Variants in PCDHGA5 observed in about 807,000 individuals in gnomAD.
PCDHGA5 encodes protocadherin gamma subfamily A, 5.
In PCDHGA5, 36 loss-of-function variants were observed where a neutral mutation model predicts 56.7. The observed-to-expected ratio is 0.64, with a 90% CI of 0.49 to 0.84. The LOEUF (loss-of-function observed/expected upper bound fraction) is 0.84. Among genes scored for constraint, PCDHGA5 ranks in the 40% least tolerant of loss-of-function variants. PCDHGA5 has a pLI of 0.00. For synonymous variants in PCDHGA5, 563 were observed against 520.2 expected, an observed-to-expected ratio of 1.08 and a Z score of -1.12; for missense variants, 1,305 against 1,201.5, an observed-to-expected ratio of 1.09 and a Z score of -1.27.
At chr5:141,419,385 C>T (rs753470433) in intron 1 of PCDHGA5, 6 of 1,613,686 alleles carry the variant, frequency 3.7e-6, no homozygotes, top group Admixed American at 1.7e-5. Context: ...TCCGTGAGCG[C>T]GCAGAGCGGG....
intron 1 of PCDHGA5, chr5:141,426,340 C>A: frequency 5.3e-6 from 1 of 190,288 alleles, no homozygotes; most frequent in Non-Finnish European, 1.1e-5. Flanking sequence ...AGCACTCTTC[C>A]CTTTCCTGCT....
intron 1 of PCDHGA5, chr5:141,370,225 C>G: frequency 1.7e-6 from 1 of 577,904 alleles, no homozygotes; most frequent in Admixed American, 3.6e-5. Context: ...CCGCTGCAGC[C>G]AGCTCGGAAG....
At chr5:141,428,220 C>T (rs1228544858) in intron 1 of PCDHGA5, 1 of 1,178,786 alleles carries the variant, frequency 8.5e-7, no homozygotes. Flanking sequence ...ACCTAGTCTT[C>T]GCAGACAGCC....
intron 1 of PCDHGA5, chr5:141,415,762 T>TTTTG: frequency 2.1e-6 from 3 of 1,399,986 alleles, no homozygotes; most frequent in Non-Finnish European, 2.8e-6. Flanking sequence ...TTTTTTTTTT[T>TTTTG]TTTTTTTTTT....
Position 141,485,422 on chromosome 5 carries a change from C to G in PCDHGA5, c.2422-9385C>G, listed in dbSNP as rs775279056. 6.2e-7 allele frequency: 1 copy of G among 1,614,130 alleles called. No homozygotes were observed. Among genetic ancestry groups the G allele is most frequent in the East Asian group, 2.2e-5 (1 of 44,872 alleles). ...TCCGTGTGGATTTGGACAGCGGAGC[C>G]CTGCTCATCAAGAACCCAATCGACC... On this transcript the variant is annotated intron_variant, in intron 1 of 3. Transcript: ENST00000518069. The surrounding 1 kb of genome is among the most constrained non-coding windows in gnomAD (Gnocchi z 5.7).
intron 1 of PCDHGA5, chr5:141,413,293 C>G: frequency 6.2e-7 from 1 of 1,613,946 alleles, no homozygotes; most frequent in South Asian, 1.1e-5. Context: ...CTACTCAATT[C>G]CTGAGGAATT....
chr5:141,480,336 G>A (rs755963190), intron 1 of PCDHGA5, among the ~76,000 whole-genome samples: 1 of 151,988 alleles, frequency 6.6e-6, no homozygotes, highest in Non-Finnish European at 1.5e-5. Flanking sequence ...AATTGCTTGA[G>A]CCTGGGAGGT....
intron 1 of PCDHGA5, chr5:141,405,556 C>T: frequency 1.6e-6 from 1 of 619,826 alleles, no homozygotes; most frequent in East Asian, 2.7e-5. Context: ...AGTAGAGTAG[C>T]TGGGACTAGA....
At chr5:141,453,206 T>G (rs914064627) in intron 1 of PCDHGA5, among the ~76,000 whole-genome samples, 8 of 152,102 alleles carry the variant, frequency 5.3e-5, no homozygotes, top group African/African-American at 1.9e-4. Context: ...CTCAACCTCG[T>G]GCACTTAAGC....
rs1183407162 is a variant in PCDHGA5 at position 141,422,793 on chromosome 5, C to G, written c.2421+56042C>G. 3 of 1,614,110 alleles carry G rather than the reference C, an allele frequency of 1.9e-6. No individual in the cohort carries two copies. The South Asian group carries it at 3.3e-5, about 18-fold the overall frequency. On this transcript the variant is annotated intron_variant, in intron 1 of 3. Transcript: ENST00000518069. Reference sequence around the variant, plus strand: ...TTCTCTATGCCCTACAATCCTTCGACTATGAGCAGTTTCGAGACTTAGAAC... The same window carrying G: ...TTCTCTATGCCCTACAATCCTTCGAGTATGAGCAGTTTCGAGACTTAGAAC...
intron 1 of PCDHGA5, chr5:141,389,586 G>T: frequency 6.2e-7 from 1 of 1,613,166 alleles, no homozygotes; most frequent in Non-Finnish European, 8.5e-7. Context: ...GCTGGGTCCC[G>T]ACGGCTCTGC....
At position 141,491,168 on chromosome 5, in the gene PCDHGA5, A is replaced by T. The variant is rs1293664414; in HGVS notation, c.2422-3639A>T. On this transcript the variant is annotated intron_variant, in intron 1 of 3. Transcript: ENST00000518069. This position sits in a 1 kb window ranked among gnomAD's most constrained non-coding sequence, Gnocchi z 6.9. ...CTGGAGGATGACTCTGACACCCAGC[A>T]GGTGGTGGTCCTGGTGAGGGACAAT... 3.1e-6 allele frequency: 5 copies of T among 1,614,160 alleles called. No individual in the cohort carries two copies. The highest frequency in any genetic ancestry group is 4.2e-6 in the Non-Finnish European group (5 of 1,179,988).
Position 141,375,095 on chromosome 5 carries a change from T to C in PCDHGA5, c.2421+8344T>C, listed in dbSNP as rs370381070. 3.0e-4 allele frequency: 491 copies of C among 1,613,960 alleles called. 2 individuals are homozygous for C. In the African/African-American group the frequency reaches 5.9e-3, roughly 19 times the overall value. ...CAGAGCGAAAGTCTTAATAACTATCTTGGATGTCAATGATAATGTACCAGA... is the reference window on the plus strand; with the variant it reads ...CAGAGCGAAAGTCTTAATAACTATCCTGGATGTCAATGATAATGTACCAGA... On this transcript the variant is annotated intron_variant, in intron 1 of 3. Coordinates refer to ENST00000518069, the MANE Select transcript of PCDHGA5 (RefSeq NM_018918.3).
rs774992336 is a variant in PCDHGA5, at chr5:141,409,845, T to G, written c.2421+43094T>G. The G allele has an allele frequency of 7.4e-6, 12 of 1,611,748 alleles. No homozygotes were observed. In the African/African-American group the frequency reaches 1.6e-4, roughly 22 times the overall value. On this transcript the variant is annotated intron_variant, in intron 1 of 3. Coordinates refer to ENST00000518069, the MANE Select transcript of PCDHGA5 (RefSeq NM_018918.3). ...CCCACGCTCAGCGCCAACGTGAGCCTGCGCGTGTTGGTGGGAGACCGCAAT... is the reference window on the plus strand; with the variant it reads ...CCCACGCTCAGCGCCAACGTGAGCCGGCGCGTGTTGGTGGGAGACCGCAAT...
At position 141,489,258 on chromosome 5, in the gene PCDHGA5, C is replaced by T. The variant is rs1594800449; in HGVS notation, c.2422-5549C>T. 3.2e-6 allele frequency: 5 copies of T among 1,551,530 alleles called. No individual in the cohort carries two copies. Among genetic ancestry groups the T allele is most frequent in the African/African-American group, 1.4e-5 (1 of 73,276 alleles). On this transcript the variant is annotated intron_variant, in intron 1 of 3. Coordinates refer to ENST00000518069, the MANE Select transcript of PCDHGA5 (RefSeq NM_018918.3). This position sits in a 1 kb window ranked among gnomAD's most constrained non-coding sequence, Gnocchi z 4.5. Reference sequence around the variant, plus strand: ...TCTGGGTCATGGGGCCCAAGACACTCCCACAGCTCGCTGGGAAATGGCAAG... The same window carrying T: ...TCTGGGTCATGGGGCCCAAGACACTTCCACAGCTCGCTGGGAAATGGCAAG...
chr5:141,452,303 G>C (rs1271182127), intron 1 of PCDHGA5, among the ~76,000 whole-genome samples: 1 of 152,048 alleles, frequency 6.6e-6, no homozygotes, highest in Non-Finnish European at 1.5e-5. Flanking sequence ...GAAAATATTA[G>C]AGACTCATAC....
chr5:141,388,384 T>G, intron 1 of PCDHGA5: 3 of 1,614,014 alleles, frequency 1.9e-6, no homozygotes, highest in Non-Finnish European at 2.5e-6. Context: ...AGCAACACAC[T>G]GCAGAATTAC....
At chr5:141,408,412 G>A in intron 1 of PCDHGA5, 2 of 1,614,052 alleles carry the variant, frequency 1.2e-6, no homozygotes, top group South Asian at 1.1e-5. Flanking sequence ...GAGTGAGCGC[G>A]GAGAAGCTGC....
chr5:141,372,379 T>A, intron 1 of PCDHGA5: 1 of 1,614,006 alleles, frequency 6.2e-7, no homozygotes, highest in Non-Finnish European at 8.5e-7. Context: ...ATGCTGCACC[T>A]AATCTTCGCA....
Sources: gnomAD v4.1 joint callset for allele counts (sites outside exome capture counted in the v4.1 genomes callset) on GRCh38, gnomAD v4.1.1 for gene constraint, Gnocchi (gnomAD v3.1) non-coding constraint, MANE v1.5 for transcripts, NCBI Gene and HGNC (gene_info 2026-07-23, HGNC 2026-07-21) for gene names.